The following SPAG17 variants were observed in gnomAD, a reference collection of about 807,000 sequenced individuals.
SPAG17 encodes the protein sperm associated antigen 17.
In SPAG17, 169 loss-of-function variants were observed where a neutral mutation model predicts 273.6. That is an observed-to-expected ratio of 0.62 (90% CI 0.55 to 0.70). The LOEUF is 0.70. Ranked by LOEUF, SPAG17 falls within the 30% of genes least tolerant of loss-of-function variation. The pLI, the probability that SPAG17 is intolerant of heterozygous loss-of-function variation, is 0.00. For missense variants in SPAG17, 2,557 were observed against 2,627.8 expected, an observed-to-expected ratio of 0.97 and a Z score of 0.59; for synonymous variants, 825 against 873.2, an observed-to-expected ratio of 0.94 and a Z score of 0.97.
At chr1:118,081,047 T>A in intron 15 of SPAG17, 54 bp downstream of exon 15, 1 of 1,365,472 alleles carries the variant, frequency 7.3e-7, no homozygotes, top group Non-Finnish European at 1.0e-6. Flanking sequence ...ATGTGTACTA[T>A]AATAGTGTCT....
rs536360875 is a variant in SPAG17, at chr1:117,992,545, C to T, written c.5282G>A (p.Ser1761Asn). 6.2e-7 allele frequency: 1 copy of T among 1,613,838 alleles called. No homozygotes were observed. Among genetic ancestry groups the T allele is most frequent in the Non-Finnish European group, 8.5e-7 (1 of 1,179,862 alleles). ...SAPGAILKSP[S>N]VLQMRQFIQH... ...AATGAATTGGCGCATCTGTAGCACA[C>T]TGGGGCTCTTGAGTATGGCACCCGG... is the stretch of plus-strand genomic sequence containing the variant. The change falls in exon 36 of 49, where the codon AGT (serine) becomes AAT (asparagine). Residue 1761 changes from serine (S) to asparagine (N), a missense_variant. Transcript: ENST00000336338.
chr1:118,150,487 C>T (rs1263561633), intron 3 of SPAG17, 56 bp downstream of exon 3: 6 of 965,328 alleles, frequency 6.2e-6, no homozygotes, highest in Middle Eastern at 2.6e-4. Context: ...CAAATTATTA[C>T]TTCAATTCTT....
Position 118,066,869 on chromosome 1 carries a change from A to G in SPAG17, c.2416T>C (p.Cys806Arg). Reference sequence around the variant, plus strand: ...TGGGTGTGGTAGTAAGAATCAACACACCTATATTGCTTATGGGCTTCTTGA... The same window carrying G: ...TGGGTGTGGTAGTAAGAATCAACACGCCTATATTGCTTATGGGCTTCTTGA... ...VLQEAHKQYR[C>R]VDSYYHTQDN... Residue 806 changes from cysteine to arginine, a missense_variant, in exon 18 of 49, where the codon TGT becomes CGT. Cys to Arg is a radical substitution (Grantham distance 180, BLOSUM62 -3). Coordinates refer to ENST00000336338, the MANE Select transcript of SPAG17 (RefSeq NM_206996.4). 1 of 1,612,692 alleles carries G rather than the reference A, an allele frequency of 6.2e-7. No homozygotes were observed. Among genetic ancestry groups the G allele is most frequent in the Non-Finnish European group, 8.5e-7 (1 of 1,179,550 alleles).
chr1:118,014,340 T>C (rs1369761929), intron 29 of SPAG17, among the ~76,000 whole-genome samples: 1 of 152,184 alleles, frequency 6.6e-6, no homozygotes, highest in Non-Finnish European at 1.5e-5. Flanking sequence ...TGGATGCTGG[T>C]TCATGCTTCC....
chr1:118,039,208 C>T, intron 23 of SPAG17, 84 bp downstream of exon 23: 3 of 1,392,168 alleles, frequency 2.2e-6, no homozygotes, highest in South Asian at 1.4e-5. Flanking sequence ...AAAGAACATG[C>T]AATAAGCCAT....
At chr1:117,983,773 G>T in intron 42 of SPAG17, 38 bp downstream of exon 42, 1 of 1,414,340 alleles carries the variant, frequency 7.1e-7, no homozygotes, top group Non-Finnish European at 9.9e-7. Context: ...TTCAGTTACG[G>T]ACATTTAATA....
chr1:118,124,963 G>A (rs1657628508), intron 3 of SPAG17, among the ~76,000 whole-genome samples: 1 of 152,118 alleles, frequency 6.6e-6, no homozygotes, highest in African/African-American at 2.4e-5. Flanking sequence ...TCCCTCCCCA[G>A]TCTCCATGGC....
At chr1:118,142,930 T>C (rs1417815976) in intron 3 of SPAG17, among the ~76,000 whole-genome samples, 2 of 152,250 alleles carry the variant, frequency 1.3e-5, no homozygotes, top group African/African-American at 2.4e-5. Context: ...CTCCACACTT[T>C]GATCTCTGCT....
intron 43 of SPAG17, among the ~76,000 whole-genome samples, chr1:117,973,912 A>G (rs1438170184): frequency 6.6e-6 from 1 of 152,168 alleles, no homozygotes; most frequent in Non-Finnish European, 1.5e-5. Context: ...CTGAAGTGAG[A>G]ACATGTGATT....
chr1:117,968,986 A>G (rs1340797292), intron 46 of SPAG17, among the ~76,000 whole-genome samples: 1 of 152,122 alleles, frequency 6.6e-6, no homozygotes, highest in Non-Finnish European at 1.5e-5. Flanking sequence ...ACCACTTTAA[A>G]TGGCATATGG....
intron 40 of SPAG17, 119 bp from the exon 41 acceptor site, chr1:117,984,901 C>A: frequency 1.5e-6 from 1 of 645,772 alleles, no homozygotes; most frequent in East Asian, 2.9e-5. Context: ...ATAAAACTGA[C>A]AAGAATTAAT....
intron 7 of SPAG17, among the ~76,000 whole-genome samples, chr1:118,093,663 G>T (rs934497123): frequency 3.9e-5 from 6 of 152,110 alleles, no homozygotes. Flanking sequence ...AACACGTTAG[G>T]TAACTTTAAT....
At chr1:117,980,828 T>C (rs779285094) in intron 43 of SPAG17, among the ~76,000 whole-genome samples, 10 of 152,234 alleles carry the variant, frequency 6.6e-5, no homozygotes, top group Non-Finnish European at 1.5e-4. Flanking sequence ...TTATGTGCTA[T>C]GTAAGATAGA....
chr1:118,029,270 G>A (rs902047442), intron 25 of SPAG17, among the ~76,000 whole-genome samples: 1 of 152,098 alleles, frequency 6.6e-6, no homozygotes, highest in East Asian at 1.9e-4. Flanking sequence ...AGAGAAACAG[G>A]CTCTTACCAG....
At chr1:118,085,815 G>A in intron 13 of SPAG17, 107 bp downstream of exon 13, 1 of 1,117,354 alleles carries the variant, frequency 8.9e-7, no homozygotes, top group Non-Finnish European at 1.3e-6. Flanking sequence ...CCTCTGAAAG[G>A]TCTTTCAATA....
At chr1:118,172,556 A>G (rs999624930) in intron 1 of SPAG17, among the ~76,000 whole-genome samples, 3 of 152,234 alleles carry the variant, frequency 2.0e-5, no homozygotes, top group East Asian at 1.9e-4. Context: ...AGCTTCAGAT[A>G]ATCTGCAAAT....
At chr1:118,172,825 A>G (rs1031247743) in intron 1 of SPAG17, among the ~76,000 whole-genome samples, 5 of 152,182 alleles carry the variant, frequency 3.3e-5, no homozygotes, top group African/African-American at 1.2e-4. Context: ...ACCATAACAC[A>G]GAGTTCTAAC....
At chr1:118,063,414 C>G (rs889223687) in intron 18 of SPAG17, among the ~76,000 whole-genome samples, 50 of 152,158 alleles carry the variant, frequency 3.3e-4, no homozygotes, top group African/African-American at 1.2e-3. Flanking sequence ...AGAACAGAGC[C>G]CTCAGAAATA....
intron 18 of SPAG17, among the ~76,000 whole-genome samples, chr1:118,065,087 A>C (rs1458019317): frequency 6.6e-6 from 1 of 152,170 alleles, no homozygotes; most frequent in Non-Finnish European, 1.5e-5. Context: ...AGTTTGATCC[A>C]GAAAAATATA....
Sources: gnomAD v4.1 joint callset for allele counts (sites outside exome capture counted in the v4.1 genomes callset) on GRCh38, gnomAD v4.1.1 for gene constraint, MANE v1.5 for transcripts, NCBI Gene and HGNC (gene_info 2026-07-23, HGNC 2026-07-21) for gene names.